ZNF385C: variants seen among roughly 807,000 people sequenced by gnomAD.
ZNF385C encodes the protein CTD-2132N18.2.
Under a neutral mutation model 35.4 loss-of-function variants are expected in ZNF385C, and 28 were observed. That is an observed-to-expected ratio of 0.79 (90% CI 0.59 to 1.08). The LOEUF (loss-of-function observed/expected upper bound fraction) is 1.08. Among genes scored for constraint, ZNF385C ranks in the 50% least tolerant of loss-of-function variants. The pLI is 0.00. For synonymous variants in ZNF385C, 248 were observed against 248.2 expected, an observed-to-expected ratio of 1.00 and a Z score of 0.01; for missense variants, 605 against 595.6, an observed-to-expected ratio of 1.02 and a Z score of -0.16.
chr17:42,044,307 CAAAAAAAAAAAAAA>C (rs57246793), intron 2 of ZNF385C, among the ~76,000 whole-genome samples: 1 of 70,548 alleles, frequency 1.4e-5, no homozygotes, highest in Non-Finnish European at 2.6e-5. Context: ...GACCCTGTCT[CAAAAAAAAAAAAAA>C]AAAAAAAAAA....
In ZNF385C at chr17:42,095,404, C is replaced by T. The variant is rs555732248; in HGVS notation, c.-3+3006G>A. On this transcript the variant is annotated intron_variant, in intron 1 of 8. Transcript: ENST00000692273. This position sits in a 1 kb window ranked among gnomAD's most constrained non-coding sequence, Gnocchi z 4.4. ...CACATGATAGACACATGGGCCCTCC[C>T]GGGTGGCAGGCGCAGCTCCCTCTGA... Among the ~76,000 whole-genome samples, 7 of 152,320 alleles carry T rather than the reference C, an allele frequency of 4.6e-5. No homozygotes were observed. Among genetic ancestry groups the T allele is most frequent in the African/African-American group, 1.2e-4 (5 of 41,566 alleles).
chr17:42,094,483 G>A (rs1034077888), intron 1 of ZNF385C, among the ~76,000 whole-genome samples: 15 of 152,066 alleles, frequency 9.9e-5, no homozygotes, highest in Non-Finnish European at 1.9e-4. Flanking sequence ...AGAGAGAAGG[G>A]GTAGACAGAG....
chr17:42,059,489 G>C (rs143809393), intron 2 of ZNF385C, among the ~76,000 whole-genome samples: 1 of 152,094 alleles, frequency 6.6e-6, no homozygotes, highest in Non-Finnish European at 1.5e-5. Flanking sequence ...CCACGCCCCC[G>C]TTCTGACCCA....
intron 1 of ZNF385C, among the ~76,000 whole-genome samples, chr17:42,082,849 T>A (rs1380902534): frequency 6.6e-6 from 1 of 152,052 alleles, no homozygotes; most frequent in East Asian, 1.9e-4. Context: ...AGGCCAAGGC[T>A]GGTGGATCAC....
intron 1 of ZNF385C, among the ~76,000 whole-genome samples, chr17:42,093,868 A>G (rs1269155201): frequency 6.6e-6 from 1 of 151,934 alleles, no homozygotes; most frequent in Non-Finnish European, 1.5e-5. Flanking sequence ...TACAGGTGTG[A>G]GCCACTGCAC....
At chr17:42,048,226 T>C (rs902966792) in intron 2 of ZNF385C, among the ~76,000 whole-genome samples, 7 of 152,110 alleles carry the variant, frequency 4.6e-5, no homozygotes, top group Admixed American at 3.9e-4. Context: ...GACAGAACTG[T>C]TGATCTATCC....
chr17:42,067,674 T>C (rs2053567323), intron 1 of ZNF385C, among the ~76,000 whole-genome samples: 1 of 152,044 alleles, frequency 6.6e-6, no homozygotes, highest in African/African-American at 2.4e-5. Flanking sequence ...CCCCCACCAA[T>C]ATTTTGCACC....
At chr17:42,064,073 T>TAC (rs55771386) in intron 1 of ZNF385C, among the ~76,000 whole-genome samples, 7,154 of 129,642 alleles carry the variant, frequency 0.055, 304 homozygotes, top group African/African-American at 0.11. Context: ...CACACGCACA[T>TAC]ACACACACAC....
intron 1 of ZNF385C, among the ~76,000 whole-genome samples, chr17:42,096,147 T>G (rs1264441476): frequency 1.3e-5 from 2 of 152,158 alleles, no homozygotes; most frequent in Non-Finnish European, 1.5e-5. Context: ...CTCTTGTGCA[T>G]GTATAAGGAC....
intron 2 of ZNF385C, among the ~76,000 whole-genome samples, chr17:42,045,069 C>T (rs1410598396): frequency 1.3e-5 from 2 of 152,236 alleles, no homozygotes; most frequent in Admixed American, 1.3e-4. Flanking sequence ...AGGCACCCGC[C>T]ATCACGCCCG....
intron 7 of ZNF385C, 85 bp from the exon 8 acceptor site, chr17:42,027,813 T>C (rs2052627970): frequency 5.7e-6 from 8 of 1,403,310 alleles, no homozygotes; most frequent in Non-Finnish European, 6.0e-6. Context: ...CCCCTTCCTC[T>C]ATCCACAGCT....
At chr17:42,055,731 G>T (rs1555657515) in intron 2 of ZNF385C, among the ~76,000 whole-genome samples, 2 of 152,122 alleles carry the variant, frequency 1.3e-5, no homozygotes, top group Admixed American at 6.6e-5. Context: ...AGGGAGTGGG[G>T]GTGAGAAGCT....
intron 4 of ZNF385C, among the ~76,000 whole-genome samples, chr17:42,032,716 C>CTT (rs573697940): frequency 6.9e-6 from 1 of 144,840 alleles, no homozygotes; most frequent in Non-Finnish European, 1.5e-5. Context: ...TCTCCTCCAT[C>CTT]TTTTTTTTTT....
intron 2 of ZNF385C, chr17:42,040,726 C>T (rs782683949): frequency 7.1e-5 from 88 of 1,232,244 alleles, no homozygotes; most frequent in Non-Finnish European, 8.1e-5. Flanking sequence ...CAGTGCTGCC[C>T]GGAGCTCAGG....
chr17:42,030,285 C>T (rs1370080113), intron 5 of ZNF385C, among the ~76,000 whole-genome samples: 2 of 152,078 alleles, frequency 1.3e-5, no homozygotes, highest in South Asian at 2.1e-4. Flanking sequence ...GTCAGGAGTT[C>T]GAGACCAGCC....
chr17:42,030,814 AC>A (rs1555654923), intron 5 of ZNF385C, among the ~76,000 whole-genome samples: 4 of 152,202 alleles, frequency 2.6e-5, no homozygotes, highest in African/African-American at 7.2e-5. Context: ...ACAGGGACAC[AC>A]AAGGGAGAAT....
chr17:42,063,058 T>C lies in ZNF385C; in HGVS notation c.-2A>G, dbSNP rs782254727. 2 of 628,170 alleles carry C rather than the reference T, an allele frequency of 3.2e-6. No homozygotes were observed. The allele number at this position is 628,170 out of a possible 1,614,324, so 38.9% of individuals were successfully genotyped here. On this transcript the variant is annotated splice_region_variant and 5_prime_UTR_variant, in exon 2 of 9. Coordinates refer to ENST00000692273, the MANE Select transcript of ZNF385C (RefSeq NM_001392013.1). ...GGGTGGGCTCAGTGGCCGCTTCATA[T>C]CTGAGTGGATAGAGAGGGAGATGAA...
chr17:42,048,145 C>G (rs1477086539), intron 2 of ZNF385C, among the ~76,000 whole-genome samples: 2 of 152,090 alleles, frequency 1.3e-5, no homozygotes, highest in African/African-American at 4.8e-5. Context: ...CTCTGCAGAC[C>G]ACTGGGAAAT....
intron 2 of ZNF385C, chr17:42,038,378 TG>T: frequency 2.8e-6 from 1 of 352,070 alleles, no homozygotes; most frequent in Admixed American, 4.7e-5. Flanking sequence ...CAGGAGGGAA[TG>T]GGAAACCCAT....
Sources: gnomAD v4.1 joint callset for allele counts (sites outside exome capture counted in the v4.1 genomes callset) on GRCh38, gnomAD v4.1.1 for gene constraint, Gnocchi (gnomAD v3.1) non-coding constraint, MANE v1.5 for transcripts, NCBI Gene and HGNC (gene_info 2026-07-23, HGNC 2026-07-21) for gene names.